The following CERS5 variants were observed in gnomAD, a reference collection of about 807,000 sequenced individuals.
CERS5 encodes ceramide synthase 5.
CERS5 carries 37 observed loss-of-function variants against 58.9 expected under a neutral mutation model. That is an observed-to-expected ratio of 0.63 (90% CI 0.48 to 0.83). The LOEUF (loss-of-function observed/expected upper bound fraction) is 0.83. Among genes scored for constraint, CERS5 ranks in the 40% least tolerant of loss-of-function variants. CERS5 has a pLI of 0.00. For synonymous variants in CERS5, 147 were observed against 177.8 expected, an observed-to-expected ratio of 0.83 and a Z score of 1.38; for missense variants, 398 against 489.3, an observed-to-expected ratio of 0.81 and a Z score of 1.76.
At chr12:50,149,597 G>C (rs1356196837) in intron 1 of CERS5, among the ~76,000 whole-genome samples, 1 of 152,110 alleles carries the variant, frequency 6.6e-6, no homozygotes, top group Non-Finnish European at 1.5e-5. Flanking sequence ...AACTATTGTG[G>C]CAAGTAACAC....
chr12:50,157,934 T>C (rs1316555984), intron 1 of CERS5, among the ~76,000 whole-genome samples: 1 of 151,928 alleles, frequency 6.6e-6, no homozygotes, highest in Admixed American at 6.6e-5. Context: ...CAGTGGCACA[T>C]GCCTGTAGTC....
chr12:50,165,454 A>AC (rs1939782408), intron 1 of CERS5: 1 of 145,724 alleles, frequency 6.9e-6, no homozygotes, highest in South Asian at 2.1e-4. Flanking sequence ...AAAAAAAAAA[A>AC]CCTTGCTACA....
chr12:50,144,949 C>T (rs1235022997), intron 1 of CERS5: 1 of 393,742 alleles, frequency 2.5e-6, no homozygotes. Context: ...GCCTGGTCAA[C>T]ATAGTGAAAC....
In CERS5 at chr12:50,130,307, A is replaced by T; in HGVS notation, c.*238T>A. 1.3e-5 allele frequency: 5 copies of T among 382,040 alleles called. No individual in the cohort carries two copies. The East Asian group carries it at 2.0e-4, about 15-fold the overall frequency. The allele number at this position is 382,040 out of a possible 1,614,324, so 23.7% of individuals were successfully genotyped here. On this transcript the variant is annotated 3_prime_UTR_variant, in exon 10 of 10. Transcript: ENST00000317551. ...CAATGAAACTCACGCATATGCACAA[A>T]CGCACATCAACAAACACACAAAAAC...
chr12:50,132,985 C>T, intron 9 of CERS5: 1 of 1,289,072 alleles, frequency 7.8e-7, no homozygotes, highest in Non-Finnish European at 1.0e-6. Context: ...AACTGTCCAG[C>T]TCCCGCCAGG....
intron 1 of CERS5, among the ~76,000 whole-genome samples, chr12:50,149,732 T>A (rs369713646): frequency 2.0e-5 from 3 of 152,142 alleles, no homozygotes; most frequent in African/African-American, 7.2e-5. Context: ...ATAATGCAAA[T>A]GTTATTTATG....
chr12:50,167,272 A>T lies in CERS5; in HGVS notation c.26T>A (p.Leu9Gln). 1 of 1,572,088 alleles carries T rather than the reference A, an allele frequency of 6.4e-7. No individual in the cohort carries two copies. Among genetic ancestry groups the T allele is most frequent in the East Asian group, 2.5e-5 (1 of 40,622 alleles). MATAAQGP[L>Q]SLLWGWLWSE... is the part of the protein sequence containing the mutation. The stretch of plus-strand genomic sequence containing the variant: ...CCACAGCCAGCCCCACAGCAAGCTT[A>T]GGGGTCCCTGCGCTGCTGTCGCCAT... The change falls in exon 1 of 10, where the codon CTA (leucine) becomes CAA (glutamine). Residue 9 changes from leucine (L) to glutamine (Q), a missense_variant. Around this residue, in one of 3 missense-constraint regions of CERS5, gnomAD observed 328 missense variants for 384.5 expected, o/e 0.85. Coordinates refer to ENST00000317551, the MANE Select transcript of CERS5 (RefSeq NM_147190.5).
At chr12:50,146,177 G>A (rs1952257371) in intron 1 of CERS5, among the ~76,000 whole-genome samples, 1 of 152,114 alleles carries the variant, frequency 6.6e-6, no homozygotes, top group Non-Finnish European at 1.5e-5. Flanking sequence ...CCTTGTGACT[G>A]TTACATACCC....
intron 8 of CERS5, chr12:50,135,514 C>T (rs1006084963): frequency 4.6e-5 from 32 of 696,380 alleles, no homozygotes; most frequent in Non-Finnish European, 7.9e-5. Context: ...AGTCTGGATC[C>T]GACCTTGCTA....
At position 50,142,120 on chromosome 12, in the gene CERS5, CAA is replaced by C. The variant is rs2138083433; in HGVS notation, c.435-12_435-11del. The C allele has an allele frequency of 6.3e-7, 1 of 1,586,578 alleles. No individual in the cohort carries two copies. The highest frequency in any genetic ancestry group is 1.1e-5 in the South Asian group (1 of 89,578). ...AAATGTGAATCTCCACCTGGGTGGG[CAA>C]AGAGTAAAGGTTAGACAAATGTCCA... On this transcript the variant is annotated splice_polypyrimidine_tract_variant and intron_variant, in intron 3 of 9. Transcript: ENST00000317551.
At chr12:50,158,862 TATA>T (rs1938949760) in intron 1 of CERS5, among the ~76,000 whole-genome samples, 1 of 152,052 alleles carries the variant, frequency 6.6e-6, no homozygotes, top group African/African-American at 2.4e-5. Flanking sequence ...ACAGAAGAGA[TATA>T]GTAAGAGTGT....
intron 9 of CERS5, among the ~76,000 whole-genome samples, chr12:50,131,589 A>C (rs1198972478): frequency 6.9e-6 from 1 of 144,146 alleles, no homozygotes; most frequent in Non-Finnish European, 1.5e-5. Context: ...AAAAAAAAAA[A>C]GAAACTTCAG....
intron 1 of CERS5, among the ~76,000 whole-genome samples, chr12:50,148,191 A>G (rs1158328247): frequency 6.6e-6 from 1 of 151,788 alleles, no homozygotes; most frequent in African/African-American, 2.4e-5. Flanking sequence ...TGGTCCCAGC[A>G]ACTTGGGAGG....
intron 9 of CERS5, among the ~76,000 whole-genome samples, chr12:50,131,070 A>G (rs1041845451): frequency 6.6e-6 from 1 of 152,202 alleles, no homozygotes; most frequent in African/African-American, 2.4e-5. Context: ...ACTGTCAGCA[A>G]TGCTTCTATC....
rs57143574 is a variant in CERS5 at position 50,156,286 on chromosome 12, C to T, written c.197+10815G>A. Among the ~76,000 whole-genome samples the T allele has an allele frequency of 9.8e-3, 1,452 of 148,562 alleles. 21 individuals carry two copies. Among genetic ancestry groups the T allele is most frequent in the African/African-American group, 0.034 (1,369 of 40,178 alleles). ...GGGTGTGGCAGCGTGCGCCTGTAGT[C>T]CCAGCTGCTGGGGAGGCCAAGGCAG... On this transcript the variant is annotated intron_variant, in intron 1 of 9. Coordinates refer to ENST00000317551, the MANE Select transcript of CERS5 (RefSeq NM_147190.5).
At chr12:50,153,461 G>C (rs1938209569) in intron 1 of CERS5, among the ~76,000 whole-genome samples, 1 of 151,282 alleles carries the variant, frequency 6.6e-6, no homozygotes, top group Non-Finnish European at 1.5e-5. Flanking sequence ...TGTATTTTTA[G>C]TAGAGACGGG....
rs369495017 is a variant in CERS5, at chr12:50,156,277, G to A, written c.197+10824C>T. 6.1e-5 allele frequency among the ~76,000 whole-genome samples: 9 copies of A among 148,534 alleles called. No homozygotes were observed. The South Asian group carries it at 8.5e-4, about 14-fold the overall frequency. On this transcript the variant is annotated intron_variant, in intron 1 of 9. Coordinates refer to ENST00000317551, the MANE Select transcript of CERS5 (RefSeq NM_147190.5). ...AAATTAGCCGGGTGTGGCAGCGTGC[G>A]CCTGTAGTCCCAGCTGCTGGGGAGG...
chr12:50,134,454 A>G (rs1951516708), intron 9 of CERS5, 92 bp downstream of exon 9: 1 of 1,610,466 alleles, frequency 6.2e-7, no homozygotes, highest in Non-Finnish European at 8.5e-7. Context: ...GCTTGAGTAG[A>G]TGGGGCTCAC....
intron 8 of CERS5, 84 bp from the exon 9 acceptor site, chr12:50,134,786 CTG>C (rs1951543125): frequency 1.5e-6 from 2 of 1,304,058 alleles, no homozygotes; most frequent in Admixed American, 2.2e-5. Context: ...ATGCAGAGCC[CTG>C]TGTGTTTTCC....
Sources: gnomAD v4.1 joint callset for allele counts (sites outside exome capture counted in the v4.1 genomes callset) on GRCh38, gnomAD v4.1.1 for gene constraint, gnomAD v4.1.1 regional missense constraint, MANE v1.5 for transcripts, NCBI Gene and HGNC (gene_info 2026-07-23, HGNC 2026-07-21) for gene names.